TRPC4: variants seen among roughly 807,000 people sequenced by gnomAD.
The protein encoded by TRPC4 is transient receptor potential cation channel subfamily C member 4.
A neutral mutation model predicts 99.4 loss-of-function variants in TRPC4; 49 were observed. The observed-to-expected ratio is 0.49, with a 90% CI of 0.39 to 0.63. The LOEUF is 0.63. Among genes scored for constraint, TRPC4 ranks in the 20% least tolerant of loss-of-function variants. TRPC4 has a pLI of 0.00. For missense variants in TRPC4, 898 were observed against 1,152.9 expected (o/e 0.78, Z 3.20); for synonymous variants, 454 against 425.9 (o/e 1.07, Z -0.81).
chr13:37,866,853 G>T (rs1330001675), intron 1 of TRPC4, among the ~76,000 whole-genome samples: 8 of 115,056 alleles, frequency 7.0e-5, no homozygotes, highest in Non-Finnish European at 1.0e-4. Context: ...TTGTGGGGGG[G>T]GGCGGGTATA....
At chr13:37,724,822 T>A (rs78665512) in intron 3 of TRPC4, among the ~76,000 whole-genome samples, 2,930 of 152,294 alleles carry the variant, frequency 0.019, 37 homozygotes, top group African/African-American at 0.038. Context: ...AATAATCTCT[T>A]GTTAAATAAT....
At chr13:37,766,126 C>G (rs1956358861) in intron 2 of TRPC4, among the ~76,000 whole-genome samples, 1 of 151,434 alleles carries the variant, frequency 6.6e-6, no homozygotes, top group Non-Finnish European at 1.5e-5. Context: ...TGAAATACAT[C>G]TTAGTATATG....
intron 3 of TRPC4, among the ~76,000 whole-genome samples, chr13:37,718,280 C>T (rs1000293218): frequency 2.6e-5 from 4 of 151,710 alleles, no homozygotes; most frequent in African/African-American, 7.3e-5. Context: ...AACTACAAAA[C>T]GCACACACGC....
At chr13:37,654,976 C>G (rs1952176100) in intron 7 of TRPC4, 112 bp downstream of exon 7, 1 of 837,734 alleles carries the variant, frequency 1.2e-6, no homozygotes, top group Non-Finnish European at 1.7e-6. Context: ...TCTTATCTGT[C>G]TAATCAATAG....
At chr13:37,651,183 C>T in intron 8 of TRPC4, 82 bp downstream of exon 8, 1 of 1,518,066 alleles carries the variant, frequency 6.6e-7, no homozygotes, top group Non-Finnish European at 9.0e-7. Context: ...GGCTAAAGAC[C>T]TGAACATGTA....
rs781102182 is a variant in TRPC4, at chr13:37,783,171, C to T, written c.163G>A (p.Ala55Thr). 1 of 1,613,612 alleles carries T rather than the reference C, an allele frequency of 6.2e-7. No individual in the cohort carries two copies. The highest frequency in any genetic ancestry group is 1.7e-5 in the Admixed American group (1 of 59,920). ...ATATTGATTTTAAAATAAATTTCAGCTTCCTCTAGGGATTTCTTGACACTG... is the reference window on the plus strand; with the variant it reads ...ATATTGATTTTAAAATAAATTTCAGTTTCCTCTAGGGATTTCTTGACACTG... Reference protein sequence around the residue: ...YASVKKSLEEAEIYFKININC... With the variant: ...YASVKKSLEETEIYFKININC... Residue 55 changes from alanine to threonine, a missense_variant, in exon 2 of 11, where the codon GCT becomes ACT. By Grantham distance (58) the Ala-to-Thr change is moderately conservative. Transcript: ENST00000379705.
At chr13:37,789,245 T>A (rs891124721) in intron 1 of TRPC4, among the ~76,000 whole-genome samples, 1 of 152,162 alleles carries the variant, frequency 6.6e-6, no homozygotes, top group African/African-American at 2.4e-5. Context: ...ACCAAACTAC[T>A]TGGCTACTGT....
chr13:37,753,559 AAGAG>A (rs770462488), intron 2 of TRPC4, among the ~76,000 whole-genome samples: 3 of 131,746 alleles, frequency 2.3e-5, no homozygotes, highest in African/African-American at 5.8e-5. Flanking sequence ...CAGAGAAAGA[AAGAG>A]AGAGAGAGAG....
chr13:37,785,068 C>A (rs957880717), intron 1 of TRPC4, among the ~76,000 whole-genome samples: 2 of 152,010 alleles, frequency 1.3e-5, no homozygotes, highest in Non-Finnish European at 2.9e-5. Context: ...TGTGGGGATG[C>A]TTTAACTCAC....
At chr13:37,779,145 T>G (rs1438848192) in intron 2 of TRPC4, among the ~76,000 whole-genome samples, 1 of 152,064 alleles carries the variant, frequency 6.6e-6, no homozygotes, top group African/African-American at 2.4e-5. Flanking sequence ...AAACATTTAC[T>G]GAAGCAGCTG....
intron 3 of TRPC4, among the ~76,000 whole-genome samples, chr13:37,702,632 T>G (rs1321173386): frequency 1.3e-5 from 2 of 152,154 alleles, no homozygotes; most frequent in African/African-American, 4.8e-5. Flanking sequence ...ATATCATATT[T>G]TAAAATTTTC....
chr13:37,736,085 C>T (rs1032348339), intron 3 of TRPC4, among the ~76,000 whole-genome samples: 12 of 152,194 alleles, frequency 7.9e-5, no homozygotes, highest in Admixed American at 7.9e-4. Flanking sequence ...GATTGAATTC[C>T]AGGGTCTAAA....
At chr13:37,691,861 G>T (rs1255757411) in intron 4 of TRPC4, 138 bp downstream of exon 4, 10 of 802,654 alleles carry the variant, frequency 1.2e-5, no homozygotes, top group Non-Finnish European at 1.5e-5. Context: ...GGCTTTGGGG[G>T]TGAGGTTCTT....
In TRPC4 at chr13:37,634,021, C is replaced by T. The variant is rs138483953; in HGVS notation, c.*2882G>A. Among the ~76,000 whole-genome samples the T allele has an allele frequency of 8.2e-3, 1,241 of 152,116 alleles. 13 individuals carry two copies. The highest frequency in any genetic ancestry group is 0.029 in the African/African-American group (1,189 of 41,510). ...AAGTGTTTTAAACTTACCTGCTAGT[C>T]TATTAAACTGAATTTTCAACACACT... On this transcript the variant is annotated 3_prime_UTR_variant, in exon 11 of 11. Coordinates refer to ENST00000379705, the MANE Select transcript of TRPC4 (RefSeq NM_016179.4).
intron 1 of TRPC4, among the ~76,000 whole-genome samples, chr13:37,847,419 T>C (rs1405297449): frequency 6.6e-6 from 1 of 152,080 alleles, no homozygotes; most frequent in Non-Finnish European, 1.5e-5. Flanking sequence ...ATGTGGAAAT[T>C]GGACAACATG....
Position 37,692,159 on chromosome 13 carries a change from G to A in TRPC4, c.1074C>T (p.Phe358=), listed in dbSNP as rs776985389. ...TAAACTTGATAAATGGCTTCCTGAT[G>A]AACAGTCCAAGTGGGCTTTTGGGAG... The part of the protein sequence containing the change: ...LIAPKSPLGL[F]IRKPFIKFIC... Residue 358 remains phenylalanine, a synonymous_variant, in exon 4 of 11, where the codon TTC becomes TTT. Transcript: ENST00000379705. 3 of 1,613,988 alleles carry A rather than the reference G, an allele frequency of 1.9e-6. No homozygotes were observed. The highest frequency in any genetic ancestry group is 1.7e-5 in the Admixed American group (1 of 59,990).
At chr13:37,741,377 C>G (rs1052988235) in intron 3 of TRPC4, among the ~76,000 whole-genome samples, 1 of 152,192 alleles carries the variant, frequency 6.6e-6, no homozygotes, top group Admixed American at 6.5e-5. Context: ...GACATGTCCT[C>G]AGTCGTCCTC....
intron 2 of TRPC4, among the ~76,000 whole-genome samples, chr13:37,762,822 C>T (rs1356194107): frequency 6.7e-6 from 1 of 150,158 alleles, no homozygotes; most frequent in South Asian, 2.1e-4. Flanking sequence ...ACATATGTAA[C>T]TAACCTGCAC....
intron 3 of TRPC4, among the ~76,000 whole-genome samples, chr13:37,735,164 A>G (rs1411315514): frequency 6.6e-6 from 1 of 152,078 alleles, no homozygotes; most frequent in African/African-American, 2.4e-5. Context: ...AAAATAATTA[A>G]CCTCTATTTA....
Sources: gnomAD v4.1 joint callset for allele counts (sites outside exome capture counted in the v4.1 genomes callset) on GRCh38, gnomAD v4.1.1 for gene constraint, MANE v1.5 for transcripts, NCBI Gene and HGNC (gene_info 2026-07-23, HGNC 2026-07-21) for gene names.